Variants in NUP153 observed in about 807,000 individuals in gnomAD.
NUP153 encodes the protein nucleoporin 153.
Under a neutral mutation model 134.6 loss-of-function variants are expected in NUP153, and 27 were observed. That is an observed-to-expected ratio of 0.20 (90% CI 0.15 to 0.28). NUP153 has a LOEUF of 0.28. Among genes scored for constraint, NUP153 ranks in the 10% least tolerant of loss-of-function variants. The probability of loss-of-function intolerance (pLI) is 1.00; values close to 1 mark genes in which losing one functional copy is unlikely to be tolerated. For synonymous variants in NUP153, 640 were observed against 623.5 expected (o/e 1.03, Z -0.40); for missense variants, 1,821 against 1,731.3 (o/e 1.05, Z -0.92).
intron 5 of NUP153, among the ~76,000 whole-genome samples, chr6:17,670,457 C>A (rs141106240): frequency 6.6e-6 from 1 of 152,084 alleles, no homozygotes; most frequent in African/African-American, 2.4e-5. Context: ...GATTTTTCTA[C>A]GTAGATAAGC....
At position 17,625,683 on chromosome 6, in the gene NUP153, T is replaced by A. The variant is rs1271546755; in HGVS notation, c.3901+125A>T. 1.4e-6 allele frequency: 1 copy of A among 725,902 alleles called. No individual in the cohort carries two copies. Among genetic ancestry groups the A allele is most frequent in the South Asian group, 1.7e-5 (1 of 57,722 alleles). 45.0% of individuals were successfully genotyped at this position (725,902 alleles called of 1,614,324 possible). A position where few individuals can be genotyped will look rare whatever the true frequency, so the allele number is the denominator to read the frequency against. On this transcript the variant is annotated intron_variant, in intron 19 of 21. Coordinates refer to ENST00000262077, the MANE Select transcript of NUP153 (RefSeq NM_005124.4). This position sits in a 1 kb window ranked among gnomAD's most constrained non-coding sequence, Gnocchi z 4.7. ...CAGTGAATAATTAAAACAACCCTGG[T>A]ATAGATGACCAAAAGGCATTCCCAC...
At chr6:17,629,819 G>GT (rs1308249981) in intron 17 of NUP153, among the ~76,000 whole-genome samples, 5 of 152,214 alleles carry the variant, frequency 3.3e-5, no homozygotes, top group African/African-American at 1.2e-4. Flanking sequence ...GAGACTGGAA[G>GT]TAACAGGCTA....
intron 11 of NUP153, among the ~76,000 whole-genome samples, chr6:17,652,252 T>C (rs201187350): frequency 7.1e-6 from 1 of 140,790 alleles, no homozygotes; most frequent in African/African-American, 2.9e-5. Flanking sequence ...ATATATTTTC[T>C]TTAAGAATTA....
At chr6:17,624,344 T>C (rs575783630) in intron 20 of NUP153, among the ~76,000 whole-genome samples, 8 of 152,266 alleles carry the variant, frequency 5.3e-5, no homozygotes, top group African/African-American at 1.7e-4. Flanking sequence ...GAGTAAAAAT[T>C]AACACTTTAA....
rs114498339 is a variant in NUP153, at chr6:17,685,815, C to T, written c.334+2581G>A. On this transcript the variant is annotated intron_variant, in intron 2 of 21. Transcript: ENST00000262077. The stretch of plus-strand genomic sequence containing the variant: ...TAACTGTTTTATGTACTTACTATAC[C>T]TTTTATCACTAGAGTATACTCCTTC... Among the ~76,000 whole-genome samples, 670 of 151,712 alleles carry T rather than the reference C, an allele frequency of 4.4e-3. 3 individuals carry two copies. The highest frequency in any genetic ancestry group is 5.2e-3 in the Non-Finnish European group (354 of 67,922).
At chr6:17,688,767 G>C (rs972529671) in intron 1 of NUP153, 149 bp from the exon 2 acceptor site, 5 of 608,180 alleles carry the variant, frequency 8.2e-6, no homozygotes, top group African/African-American at 1.9e-5. Flanking sequence ...CTAACATAAT[G>C]GTTTTTACAA....
intron 18 of NUP153, among the ~76,000 whole-genome samples, chr6:17,626,407 A>G (rs995388908): frequency 1.3e-5 from 2 of 152,200 alleles, no homozygotes; most frequent in Non-Finnish European, 2.9e-5. Flanking sequence ...TTTGGCATTC[A>G]GGTTAATAAA....
chr6:17,682,938 A>AAC (rs1554145041), intron 2 of NUP153, among the ~76,000 whole-genome samples: 21 of 151,688 alleles, frequency 1.4e-4, no homozygotes, highest in African/African-American at 3.6e-4. Flanking sequence ...AAAAAAAAAA[A>AAC]AAAACACTTT....
intron 2 of NUP153, among the ~76,000 whole-genome samples, chr6:17,681,681 T>C (rs1414289538): frequency 1.3e-5 from 2 of 152,190 alleles, no homozygotes; most frequent in African/African-American, 2.4e-5. Context: ...ATAATAAATA[T>C]TTCAATTTAT....
Position 17,651,101 on chromosome 6 carries a change from C to T in NUP153, c.1396-1801G>A, listed in dbSNP as rs1442954875. ...ACAGCTTGAGGCCAAGAGTTCGAGA[C>T]CAGTCTGGGCAACACAGCAAGACCC... On this transcript the variant is annotated intron_variant, in intron 11 of 21. Transcript: ENST00000262077. Among the ~76,000 whole-genome samples, 4 of 152,158 alleles carry T rather than the reference C, an allele frequency of 2.6e-5. No homozygotes were observed. In the East Asian group the frequency reaches 7.7e-4, roughly 29 times the overall value.
rs1561860551 is a variant in NUP153, at chr6:17,632,832, G to A, written c.2477C>T (p.Pro826Leu). 2.1e-6 allele frequency: 3 copies of A among 1,419,790 alleles called. No individual in the cohort carries two copies. Among genetic ancestry groups the A allele is most frequent in the Middle Eastern group, 1.9e-4 (1 of 5,146 alleles). 87.9% of individuals were successfully genotyped at this position (1,419,790 alleles called of 1,614,324 possible). Residue 826 changes from proline to leucine, a missense_variant, in exon 17 of 22, where the codon CCT becomes CTT. By Grantham distance (98) the Pro-to-Leu change is moderately conservative. Coordinates refer to ENST00000262077, the MANE Select transcript of NUP153 (RefSeq NM_005124.4). ...AGGTACAGTGCTGCTACTTGAAGCA[G>A]GTACTGAACTTCCTAAAAAAAAAAA... The part of the protein sequence containing the change: ...CMSEKPGSSV[P>L]ASSSSTVPVS...
chr6:17,619,290 G>C (rs1248407678), intron 20 of NUP153, among the ~76,000 whole-genome samples: 4 of 152,208 alleles, frequency 2.6e-5, no homozygotes, highest in Non-Finnish European at 5.9e-5. Context: ...TCCCTGCAGA[G>C]ATGTATGGCC....
chr6:17,616,152 G>A lies in NUP153; in HGVS notation c.4373C>T (p.Ser1458Phe). Residue 1458 changes from serine to phenylalanine, a missense_variant, in exon 22 of 22, where the codon TCT (serine) becomes TTT (phenylalanine). Ser to Phe is a radical substitution (Grantham distance 155). Coordinates refer to ENST00000262077, the MANE Select transcript of NUP153 (RefSeq NM_005124.4). Reference protein sequence around the residue: ...GSNGKNVFSSSGTSFSGRKIK... With the variant: ...GSNGKNVFSSFGTSFSGRKIK... ...CTTGCGACCAGAGAATGAAGTTCCAGAAGAAGAGAACACATTTTTCCCATT... is the reference window on the plus strand; with the variant it reads ...CTTGCGACCAGAGAATGAAGTTCCAAAAGAAGAGAACACATTTTTCCCATT... 1 of 1,613,338 alleles carries A rather than the reference G, an allele frequency of 6.2e-7. No individual in the cohort carries two copies. The highest frequency in any genetic ancestry group is 1.1e-5 in the South Asian group (1 of 91,058).
intron 5 of NUP153, among the ~76,000 whole-genome samples, chr6:17,670,337 C>T (rs565505941): frequency 6.6e-6 from 1 of 152,246 alleles, no homozygotes; most frequent in South Asian, 2.1e-4. Context: ...ATAGTCACTG[C>T]TGCCAATATA....
intron 2 of NUP153, among the ~76,000 whole-genome samples, chr6:17,683,985 G>A (rs1160012083): frequency 1.3e-5 from 2 of 152,132 alleles, no homozygotes; most frequent in Admixed American, 1.3e-4. Flanking sequence ...CCCTACCCAA[G>A]GTAGTGGGTT....
chr6:17,623,062 G>A (rs78329297), intron 20 of NUP153, among the ~76,000 whole-genome samples: 6,160 of 151,464 alleles, frequency 0.041, 392 homozygotes, highest in East Asian at 0.29. Context: ...CCCGGGAAGC[G>A]GAGGTTGCAG....
In NUP153 at chr6:17,638,821, C is replaced by G. The variant is rs1391383581; in HGVS notation, c.1847-1051G>C. Among the ~76,000 whole-genome samples the G allele has an allele frequency of 6.6e-6, 1 of 152,174 alleles. No individual in the cohort carries two copies. Among genetic ancestry groups the G allele is most frequent in the Non-Finnish European group, 1.5e-5 (1 of 68,036 alleles). On this transcript the variant is annotated intron_variant, in intron 15 of 21. Coordinates refer to ENST00000262077, the MANE Select transcript of NUP153 (RefSeq NM_005124.4). This position sits in a 1 kb window ranked among gnomAD's most constrained non-coding sequence, Gnocchi z 4.0. ...GCCTACTACTTGGTTAATTCCAGCA[C>G]AAGCACTCTGGAGTTCTACCATAAC...
intron 20 of NUP153, among the ~76,000 whole-genome samples, chr6:17,623,746 A>G (rs1764772613): frequency 6.6e-6 from 1 of 152,236 alleles, no homozygotes; most frequent in South Asian, 2.1e-4. Flanking sequence ...CCTTAGAGCA[A>G]AACAATCACA....
In NUP153 at chr6:17,688,626, G is replaced by C; in HGVS notation, c.112-8C>G. 6.3e-7 allele frequency: 1 copy of C among 1,586,132 alleles called. No individual in the cohort carries two copies. The highest frequency in any genetic ancestry group is 8.6e-7 in the Non-Finnish European group (1 of 1,159,462). ...AACCCTGCTAAGAATGCCCTGTTGA[G>C]AGAAAAAACATATTATGACAGTTTT... On this transcript the variant is annotated splice_region_variant and splice_polypyrimidine_tract_variant and intron_variant, in intron 1 of 21. Transcript: ENST00000262077.
Sources: allele counts gnomAD v4.1 joint callset (sites outside exome capture counted in the v4.1 genomes callset), GRCh38; gene constraint gnomAD v4.1.1; non-coding constraint Gnocchi (gnomAD v3.1); transcripts MANE v1.5; gene names NCBI Gene and HGNC (gene_info 2026-07-23, HGNC 2026-07-21).